CUBN: variants seen among roughly 807,000 people sequenced by gnomAD.
CUBN encodes cubilin, also known as 460 kDa receptor.
CUBN carries 282 observed loss-of-function variants against 405.3 expected under a neutral mutation model. The observed-to-expected ratio is 0.70, with a 90% CI of 0.63 to 0.77. CUBN has a LOEUF of 0.77. Ranked by LOEUF, CUBN falls within the 30% of genes least tolerant of loss-of-function variation. The pLI is 0.00. For synonymous variants in CUBN, 1,684 were observed against 1,617.0 expected, an observed-to-expected ratio of 1.04 and a Z score of -0.99; for missense variants, 4,514 against 4,475.2, an observed-to-expected ratio of 1.01 and a Z score of -0.25.
chr10:17,110,399 GT>G (rs1304468302), intron 9 of CUBN, among the ~76,000 whole-genome samples: 2 of 152,122 alleles, frequency 1.3e-5, no homozygotes, highest in Non-Finnish European at 2.9e-5. Flanking sequence ...AGTTTGTAAA[GT>G]TTGTTGTTTT....
intron 27 of CUBN, among the ~76,000 whole-genome samples, chr10:17,028,098 T>A (rs1292856958): frequency 6.6e-6 from 1 of 152,060 alleles, no homozygotes; most frequent in Admixed American, 6.6e-5. Flanking sequence ...GGCTCCTAAA[T>A]CCCTCCCTAG....
chr10:16,859,832 A>G (rs956513500), intron 59 of CUBN, among the ~76,000 whole-genome samples: 4 of 152,220 alleles, frequency 2.6e-5, no homozygotes, highest in Admixed American at 6.5e-5. Context: ...ATTGTATAAA[A>G]CAATAAAAAT....
intron 6 of CUBN, among the ~76,000 whole-genome samples, chr10:17,115,950 C>G (rs758299557): frequency 2.6e-5 from 4 of 152,172 alleles, no homozygotes; most frequent in Non-Finnish European, 5.9e-5. Flanking sequence ...ATCAGCAAAT[C>G]CATTCATCAT....
At chr10:16,993,309 G>T (rs1404853894) in intron 28 of CUBN, among the ~76,000 whole-genome samples, 1 of 152,202 alleles carries the variant, frequency 6.6e-6, no homozygotes, top group Middle Eastern at 3.2e-3. Flanking sequence ...TCGTTCATCA[G>T]CCAATCTGAT....
intron 59 of CUBN, among the ~76,000 whole-genome samples, chr10:16,851,722 T>C (rs1839695626): frequency 7.9e-6 from 1 of 127,330 alleles, no homozygotes; most frequent in African/African-American, 3.0e-5. Flanking sequence ...CCCTCCATCT[T>C]TCCCTCCCTC....
chr10:17,082,722 G>A (rs969881829), intron 17 of CUBN, among the ~76,000 whole-genome samples: 4 of 152,152 alleles, frequency 2.6e-5, no homozygotes, highest in African/African-American at 7.2e-5. Context: ...TGTAGTCAAC[G>A]TCACACAATT....
intron 37 of CUBN, 135 bp downstream of exon 37, chr10:16,939,897 G>T: frequency 2.4e-6 from 2 of 844,604 alleles, no homozygotes; most frequent in Non-Finnish European, 4.0e-6. Flanking sequence ...ATGTTATAAG[G>T]TAATTCACAA....
At chr10:17,101,169 T>C (rs1271461015) in intron 13 of CUBN, among the ~76,000 whole-genome samples, 1 of 152,200 alleles carries the variant, frequency 6.6e-6, no homozygotes, top group African/African-American at 2.4e-5. Flanking sequence ...TAAAACAGTT[T>C]AAATGAAACT....
chr10:17,052,633 GC>G (rs1835295669), intron 22 of CUBN, among the ~76,000 whole-genome samples: 1 of 151,338 alleles, frequency 6.6e-6, no homozygotes, highest in South Asian at 2.1e-4. Flanking sequence ...GCTGGTGCAT[GC>G]CTGTAGTCCC....
Position 17,104,422 on chromosome 10 carries a change from G to C in CUBN, c.1414C>G (p.Gln472Glu). The C allele has an allele frequency of 6.2e-7, 1 of 1,613,910 alleles. No individual in the cohort carries two copies. Among genetic ancestry groups the C allele is most frequent in the Non-Finnish European group, 8.5e-7 (1 of 1,179,882 alleles). Residue 472 changes from glutamine (Q) to glutamate (E), a missense_variant, in exon 12 of 67, where the codon CAA (glutamine) becomes GAA (glutamate). Physicochemically the swap from Gln to Glu is conservative, Grantham distance 29. Transcript: ENST00000377833. Reference sequence around the variant, plus strand: ...GCATAAGAAATGCTGACTGTACCTTGCTGAGGAACCTGACAGAGAGCTCCA... The same window carrying C: ...GCATAAGAAATGCTGACTGTACCTTCCTGAGGAACCTGACAGAGAGCTCCA... ...WTGALCQVPQ[Q>E]VCGESLSGIN...
At chr10:17,023,961 C>A (rs2137425) in intron 27 of CUBN, among the ~76,000 whole-genome samples, 5,459 of 151,860 alleles carry the variant, frequency 0.036, 163 homozygotes, top group African/African-American at 0.078. Context: ...TTAGGATTTT[C>A]GTGGCTTAGG....
intron 28 of CUBN, among the ~76,000 whole-genome samples, chr10:17,014,520 G>T (rs1225341775): frequency 1.3e-5 from 2 of 152,176 alleles, no homozygotes; most frequent in African/African-American, 2.4e-5. Flanking sequence ...GTCTTAGGGT[G>T]AGCATAATCC....
At chr10:16,982,674 T>G in intron 30 of CUBN, 21 bp from the exon 31 acceptor site, 2 of 1,604,732 alleles carry the variant, frequency 1.2e-6, no homozygotes, top group Non-Finnish European at 1.7e-6. Flanking sequence ...GGAACACAAT[T>G]ATTTCATGAG....
In CUBN at chr10:17,109,683, A is replaced by T. The variant is rs1360212656; in HGVS notation, c.1068T>A (p.Ser356Arg). ...AGGCATCTGGGTGGCAGCCTCCATT[A>T]CTGACTGAGCAGATGTCTGTGAGTG... is the stretch of plus-strand genomic sequence containing the variant. ...VCTLTDICSVSNGGCHPDASC... is the reference protein window; with the variant it reads ...VCTLTDICSVRNGGCHPDASC... The change falls in exon 10 of 67, where the codon AGT (serine) becomes AGA (arginine). Residue 356 changes from serine (S) to arginine (R), a missense_variant. Physicochemically the swap from Ser to Arg is moderately radical, Grantham distance 110. Around this residue, in one of 5 missense-constraint regions of CUBN, gnomAD observed 1,448 missense variants for 1,388.0 expected, o/e 1.04. Coordinates refer to ENST00000377833, the MANE Select transcript of CUBN (RefSeq NM_001081.4). 6.2e-7 allele frequency: 1 copy of T among 1,614,034 alleles called. No homozygotes were observed.
At position 17,100,023 on chromosome 10, in the gene CUBN, A is replaced by C; in HGVS notation, c.1747T>G (p.Trp583Gly). The change falls in exon 14 of 67, where the codon TGG becomes GGG. Residue 583 changes from tryptophan (W) to glycine (G), a missense_variant. Trp to Gly is a radical substitution (Grantham distance 184, BLOSUM62 -2). This residue lies in a region of CUBN where 1,448 missense variants were observed against 1,388.0 expected (regional missense o/e 1.04). Coordinates refer to ENST00000377833, the MANE Select transcript of CUBN (RefSeq NM_001081.4). The stretch of plus-strand genomic sequence containing the variant: ...CACATACCTGGTTGCTGTGTTTCCC[A>C]TCTTACTGTAAAGCCTCTCCCATTT... The part of the protein sequence containing the change: ...LRNGRGFTVR[W>G]ETQQPECGGI... The C allele has an allele frequency of 6.2e-7, 1 of 1,613,138 alleles. No individual in the cohort carries two copies. The highest frequency in any genetic ancestry group is 8.5e-7 in the Non-Finnish European group (1 of 1,179,166).
chr10:16,987,852 C>T (rs1043369441), intron 29 of CUBN, among the ~76,000 whole-genome samples: 2 of 152,170 alleles, frequency 1.3e-5, no homozygotes, highest in Non-Finnish European at 1.5e-5. Flanking sequence ...CAGAGGGTTG[C>T]TCCTTTTAGC....
chr10:16,832,228 G>T lies in CUBN; in HGVS notation c.10363-811C>A, dbSNP rs116953022. ...CGCTTCTTACGGAAACGTTACGCGG[G>T]CAATGTATGTTGGAACCAGCCTGAC... On this transcript the variant is annotated intron_variant, in intron 64 of 66. Transcript: ENST00000377833. Among the ~76,000 whole-genome samples the T allele has an allele frequency of 5.9e-4, 90 of 152,252 alleles. 1 individual carries two copies. The East Asian group carries it at 0.015, about 26-fold the overall frequency.
At chr10:17,110,352 C>CTTT (rs1405015694) in intron 9 of CUBN, among the ~76,000 whole-genome samples, 1 of 152,148 alleles carries the variant, frequency 6.6e-6, no homozygotes, top group African/African-American at 2.4e-5. Context: ...ACTCAGAAAA[C>CTTT]TTTTCAAATT....
intron 22 of CUBN, among the ~76,000 whole-genome samples, chr10:17,061,095 A>C (rs1280473689): frequency 6.6e-6 from 1 of 152,020 alleles, no homozygotes; most frequent in Non-Finnish European, 1.5e-5. Context: ...AAAAAAACCC[A>C]AAAACAAACA....
Sources: allele counts gnomAD v4.1 joint callset (sites outside exome capture counted in the v4.1 genomes callset), GRCh38; gene constraint gnomAD v4.1.1; regional missense constraint gnomAD v4.1.1; transcripts MANE v1.5; gene names NCBI Gene and HGNC (gene_info 2026-07-23, HGNC 2026-07-21).